UGGT2: variants seen among roughly 807,000 people sequenced by gnomAD.
UGGT2 encodes the protein UDP-glucose:glycoprotein glucosyltransferase 2.
A neutral mutation model predicts 192.1 loss-of-function variants in UGGT2; 180 were observed. That is an observed-to-expected ratio of 0.94 (90% confidence interval 0.83 to 1.06). The LOEUF is 1.06. Ranked by LOEUF, UGGT2 falls within the 50% of genes least tolerant of loss-of-function variation. The pLI is 0.00. For synonymous variants in UGGT2, 580 were observed against 591.0 expected (o/e 0.98, Z 0.27); for missense variants, 1,849 against 1,795.7 (o/e 1.03, Z -0.54).
intron 30 of UGGT2, among the ~76,000 whole-genome samples, chr13:95,864,388 TA>T: frequency 6.6e-6 from 1 of 152,286 alleles, no homozygotes; most frequent in East Asian, 1.9e-4. Flanking sequence ...AAGTTTTCAT[TA>T]TGACAATGTA....
At chr13:95,962,835 A>C (rs2050441948) in intron 12 of UGGT2, among the ~76,000 whole-genome samples, 1 of 152,120 alleles carries the variant, frequency 6.6e-6, no homozygotes, top group Non-Finnish European at 1.5e-5. Flanking sequence ...TTTAAACAGG[A>C]AAAAGGGTTC....
chr13:95,880,703 A>C (rs1594219106), intron 27 of UGGT2, among the ~76,000 whole-genome samples: 2 of 152,358 alleles, frequency 1.3e-5, no homozygotes, highest in East Asian at 3.9e-4. Context: ...AAAATCTCGC[A>C]TGACAGTGCT....
chr13:96,023,794 C>A, intron 2 of UGGT2, 35 bp from the exon 3 acceptor site: 1 of 1,526,980 alleles, frequency 6.5e-7, no homozygotes, highest in Non-Finnish European at 8.9e-7. Context: ...TAAATGTTAG[C>A]ATTTTATACA....
At chr13:95,813,431 T>C (rs1334226889) in intron 38 of UGGT2, among the ~76,000 whole-genome samples, 1 of 152,204 alleles carries the variant, frequency 6.6e-6, no homozygotes, top group Non-Finnish European at 1.5e-5. Context: ...TTCAAAGCGA[T>C]GATTTAGGGT....
intron 36 of UGGT2, among the ~76,000 whole-genome samples, chr13:95,845,784 G>A (rs1165580219): frequency 2.0e-5 from 3 of 150,230 alleles, no homozygotes; most frequent in Non-Finnish European, 4.4e-5. Context: ...AGACGGGGTC[G>A]CGGCCGGGCA....
chr13:95,950,286 G>GA (rs2050016258), intron 12 of UGGT2, among the ~76,000 whole-genome samples: 1 of 152,144 alleles, frequency 6.6e-6, no homozygotes, highest in Non-Finnish European at 1.5e-5. Flanking sequence ...CGGAGAGGTT[G>GA]AAACCACAGC....
At chr13:95,910,346 A>T (rs1566679110) in intron 20 of UGGT2, among the ~76,000 whole-genome samples, 1 of 152,148 alleles carries the variant, frequency 6.6e-6, no homozygotes, top group Non-Finnish European at 1.5e-5. Flanking sequence ...CAGGAGACCC[A>T]TCTCATGTGC....
At chr13:95,935,550 T>C (rs1306761313) in intron 17 of UGGT2, among the ~76,000 whole-genome samples, 2 of 152,210 alleles carry the variant, frequency 1.3e-5, no homozygotes, top group African/African-American at 4.8e-5. Flanking sequence ...TTTTCTCTAG[T>C]TGCCTTTAAG....
rs1003158931 is a variant in UGGT2, at chr13:95,925,222, A to C, written c.2295+458T>G. Among the ~76,000 whole-genome samples the C allele has an allele frequency of 3.3e-5, 5 of 152,336 alleles. No homozygotes were observed. In the East Asian group the frequency reaches 9.6e-4, roughly 29 times the overall value. ...ACTGGTTTATAATCAATAACAAGAA[A>C]TTTAATGTTGACTTAAGGCTTAAAA... On this transcript the variant is annotated intron_variant, in intron 20 of 38. Coordinates refer to ENST00000376747, the MANE Select transcript of UGGT2 (RefSeq NM_020121.4).
chr13:95,947,952 A>T (rs1165284530), intron 14 of UGGT2, 44 bp downstream of exon 14: 1 of 1,500,136 alleles, frequency 6.7e-7, no homozygotes, highest in Non-Finnish European at 9.3e-7. Context: ...AATAACATTG[A>T]ATTTCCTTTA....
Position 95,927,146 on chromosome 13 carries a change from A to T in UGGT2, c.2102-20T>A, listed in dbSNP as rs1194801848. On this transcript the variant is annotated intron_variant, in intron 18 of 38. Coordinates refer to ENST00000376747, the MANE Select transcript of UGGT2 (RefSeq NM_020121.4). ...CAGTTACTGAAAAATTTCAAATTAA[A>T]CGTTAAATATAAATAAAGAATTCAC... 1.2e-6 allele frequency: 2 copies of T among 1,605,136 alleles called. No individual in the cohort carries two copies. Among genetic ancestry groups the T allele is most frequent in the African/African-American group, 2.7e-5 (2 of 74,276 alleles).
intron 12 of UGGT2, among the ~76,000 whole-genome samples, chr13:95,960,754 T>C (rs915521648): frequency 3.3e-5 from 5 of 152,052 alleles, no homozygotes; most frequent in African/African-American, 1.2e-4. Flanking sequence ...AGTCAAACTG[T>C]CAAAATTTAA....
At chr13:96,044,618 A>G (rs1329300324) in intron 1 of UGGT2, among the ~76,000 whole-genome samples, 1 of 152,216 alleles carries the variant, frequency 6.6e-6, no homozygotes, top group Non-Finnish European at 1.5e-5. Context: ...AAACAAGAAG[A>G]AAAAAGAGAA....
intron 38 of UGGT2, among the ~76,000 whole-genome samples, chr13:95,818,306 T>C (rs1346330391): frequency 6.6e-6 from 1 of 152,218 alleles, no homozygotes; most frequent in African/African-American, 2.4e-5. Flanking sequence ...TGTGAGACCC[T>C]GTCTCAAAAA....
intron 2 of UGGT2, among the ~76,000 whole-genome samples, chr13:96,029,334 T>C (rs1594605859): frequency 1.3e-5 from 2 of 152,254 alleles, no homozygotes; most frequent in East Asian, 1.9e-4. Flanking sequence ...TTGCCCAGAC[T>C]GCAGTCCAGT....
chr13:96,047,140 G>C (rs1393402700), intron 1 of UGGT2, among the ~76,000 whole-genome samples: 3 of 152,218 alleles, frequency 2.0e-5, no homozygotes, highest in African/African-American at 7.2e-5. Flanking sequence ...CCAGCACGGA[G>C]TTTGAGATCT....
intron 38 of UGGT2, among the ~76,000 whole-genome samples, chr13:95,807,946 C>G (rs1566531380): frequency 6.6e-6 from 1 of 152,116 alleles, no homozygotes; most frequent in South Asian, 2.1e-4. Flanking sequence ...TTCCACGGCA[C>G]TGACAATCTT....
At chr13:95,912,565 C>T (rs1483362604) in intron 20 of UGGT2, among the ~76,000 whole-genome samples, 1 of 152,094 alleles carries the variant, frequency 6.6e-6, no homozygotes, top group African/African-American at 2.4e-5. Flanking sequence ...GAACTACAAA[C>T]CACTGCTCAA....
At chr13:95,819,717 C>T (rs548247428) in intron 38 of UGGT2, among the ~76,000 whole-genome samples, 1 of 152,210 alleles carries the variant, frequency 6.6e-6, no homozygotes, top group Non-Finnish European at 1.5e-5. Context: ...ATAACAAAAT[C>T]AGAAAACATA....
Sources: allele counts gnomAD v4.1 joint callset (sites outside exome capture counted in the v4.1 genomes callset), GRCh38; gene constraint gnomAD v4.1.1; transcripts MANE v1.5; gene names NCBI Gene and HGNC (gene_info 2026-07-23, HGNC 2026-07-21).